The following SDK1 variants were observed in gnomAD, a reference collection of about 807,000 sequenced individuals.
SDK1 encodes the protein protein sidekick-1.
A neutral mutation model predicts 245.5 loss-of-function variants in SDK1; 157 were observed. The ratio of observed to expected loss-of-function variants is 0.64; its 90% CI spans 0.56 to 0.73. The LOEUF is 0.73. Ranked by LOEUF, SDK1 falls within the 30% of genes least tolerant of loss-of-function variation. SDK1 has a pLI of 0.00. For synonymous variants in SDK1, 1,647 were observed against 1,278.5 expected (o/e 1.29, Z -6.15); for missense variants, 3,583 against 3,002.3 (o/e 1.19, Z -4.52).
intron 4 of SDK1, among the ~76,000 whole-genome samples, chr7:3,650,747 G>T (rs1782987380): frequency 6.6e-6 from 1 of 151,634 alleles, no homozygotes; most frequent in Admixed American, 6.6e-5. Context: ...TCACTAATCT[G>T]CTTTTCCTTT....
intron 14 of SDK1, among the ~76,000 whole-genome samples, chr7:4,006,515 G>T (rs1286833858): frequency 5.3e-5 from 8 of 152,178 alleles, no homozygotes; most frequent in Admixed American, 3.9e-4. Context: ...TTGATTGTCA[G>T]GAACAGACTT....
chr7:3,880,248 C>T lies in SDK1; in HGVS notation c.847+58665C>T, dbSNP rs535960991. 4.3e-4 allele frequency among the ~76,000 whole-genome samples: 66 copies of T among 152,322 alleles called. 1 individual carries two copies. The highest frequency in any genetic ancestry group is 1.6e-3 in the African/African-American group (65 of 41,582). On this transcript the variant is annotated intron_variant, in intron 5 of 44. Transcript: ENST00000404826. ...GACAAAAATGATTTTAAAACATTAG[C>T]TCTATTAGAAATAAATCCCGAACAG...
chr7:4,024,277 T>C (rs1397404545), intron 17 of SDK1, among the ~76,000 whole-genome samples: 1 of 152,216 alleles, frequency 6.6e-6, no homozygotes, highest in East Asian at 1.9e-4. Context: ...AAGTAAGGAT[T>C]ATAAATGAGC....
intron 1 of SDK1, among the ~76,000 whole-genome samples, chr7:3,312,286 A>G (rs1363522636): frequency 8.5e-5 from 13 of 152,198 alleles, no homozygotes; most frequent in African/African-American, 2.7e-4. Flanking sequence ...GCAAATTAAA[A>G]ATCTAAGACT....
chr7:3,801,521 C>G (rs73308036), intron 4 of SDK1, among the ~76,000 whole-genome samples: 1 of 152,176 alleles, frequency 6.6e-6, no homozygotes. Flanking sequence ...ATTGTGCTCT[C>G]TCTCTATCGT....
chr7:3,381,833 T>C (rs1462837602), intron 1 of SDK1, among the ~76,000 whole-genome samples: 1 of 152,208 alleles, frequency 6.6e-6, no homozygotes, highest in Non-Finnish European at 1.5e-5. Context: ...AACCTGAATT[T>C]AATTAAGGTC....
In SDK1 at chr7:3,896,731, A is replaced by G. The variant is rs190312584; in HGVS notation, c.848-54192A>G. On this transcript the variant is annotated intron_variant, in intron 5 of 44. Coordinates refer to ENST00000404826, the MANE Select transcript of SDK1 (RefSeq NM_152744.4). ...CTTCACATATTTTGTCTGGTTTTCA[A>G]GCTGTTTAAGGTGGGGGAATAAATC... Among the ~76,000 whole-genome samples the G allele has an allele frequency of 3.1e-3, 471 of 152,286 alleles. 6 individuals are homozygous for G. The highest frequency in any genetic ancestry group is 0.011 in the African/African-American group (460 of 41,564).
chr7:4,200,303 G>A (rs1381862569), intron 35 of SDK1, among the ~76,000 whole-genome samples: 1 of 152,372 alleles, frequency 6.6e-6, no homozygotes, highest in East Asian at 1.9e-4. Flanking sequence ...AATGTGCAGA[G>A]GCTTGGCTGA....
chr7:3,921,248 T>C (rs1214745022), intron 5 of SDK1, among the ~76,000 whole-genome samples: 1 of 152,264 alleles, frequency 6.6e-6, no homozygotes, highest in Admixed American at 6.5e-5. Flanking sequence ...ACACACTGTT[T>C]TGTAAACATT....
intron 5 of SDK1, among the ~76,000 whole-genome samples, chr7:3,844,039 C>T (rs530201718): frequency 6.6e-6 from 1 of 152,126 alleles, no homozygotes; most frequent in Non-Finnish European, 1.5e-5. Context: ...GGTGTGATCT[C>T]TACTCACTGC....
intron 1 of SDK1, among the ~76,000 whole-genome samples, chr7:3,513,222 C>G (rs1359422555): frequency 6.6e-6 from 1 of 152,154 alleles, no homozygotes; most frequent in African/African-American, 2.4e-5. Context: ...TGTGGGTGGA[C>G]TTAGGACAGT....
At chr7:3,908,775 A>T (rs1021347691) in intron 5 of SDK1, among the ~76,000 whole-genome samples, 1 of 151,980 alleles carries the variant, frequency 6.6e-6, no homozygotes, top group African/African-American at 2.4e-5. Flanking sequence ...GGATGTCTAG[A>T]GCGGGAGTCA....
intron 1 of SDK1, among the ~76,000 whole-genome samples, chr7:3,430,735 A>G (rs1478334501): frequency 6.6e-6 from 1 of 152,160 alleles, no homozygotes; most frequent in African/African-American, 2.4e-5. Context: ...ATCTATCTCT[A>G]GTAGGAATGT....
chr7:4,202,839 T>G (rs1043278345), intron 35 of SDK1, among the ~76,000 whole-genome samples: 4 of 152,154 alleles, frequency 2.6e-5, no homozygotes, highest in African/African-American at 9.7e-5. Flanking sequence ...TCCTAAACCC[T>G]GAGGTGAGGG....
intron 40 of SDK1, among the ~76,000 whole-genome samples, chr7:4,226,246 C>G (rs1194276580): frequency 6.6e-6 from 1 of 152,308 alleles, no homozygotes; most frequent in East Asian, 1.9e-4. Context: ...CACACAGGGG[C>G]CCTCACCGCT....
intron 4 of SDK1, among the ~76,000 whole-genome samples, chr7:3,678,674 T>C (rs1562650999): frequency 6.6e-6 from 1 of 152,262 alleles, no homozygotes. Flanking sequence ...AGTTTCTGTT[T>C]GGGATGAAGA....
intron 1 of SDK1, among the ~76,000 whole-genome samples, chr7:3,473,085 G>A (rs1444341747): frequency 6.6e-6 from 1 of 152,094 alleles, no homozygotes; most frequent in East Asian, 1.9e-4. Flanking sequence ...TTTTGAAATT[G>A]TTTTCATATG....
intron 2 of SDK1, among the ~76,000 whole-genome samples, chr7:3,622,391 G>A (rs1310989588): frequency 6.6e-6 from 1 of 152,282 alleles, no homozygotes; most frequent in Admixed American, 6.5e-5. Context: ...TGAGGCAGGA[G>A]AATCGCTTGA....
intron 7 of SDK1, among the ~76,000 whole-genome samples, chr7:3,953,650 C>T (rs1037722083): frequency 6.6e-6 from 1 of 152,312 alleles, no homozygotes; most frequent in African/African-American, 2.4e-5. Context: ...AATTTATCTC[C>T]CTTTAAACGA....
Sources: allele counts gnomAD v4.1 joint callset (sites outside exome capture counted in the v4.1 genomes callset), GRCh38; gene constraint gnomAD v4.1.1; transcripts MANE v1.5; gene names NCBI Gene and HGNC (gene_info 2026-07-23, HGNC 2026-07-21).